The following ANKRD50 variants were observed in gnomAD, a reference collection of about 807,000 sequenced individuals.
ANKRD50 encodes the protein ankyrin repeat domain 50, also known as ankyrin repeat domain-containing protein 50.
ANKRD50 carries 40 observed loss-of-function variants against 112.0 expected under a neutral mutation model. The ratio of observed to expected loss-of-function variants is 0.36; its 90% CI spans 0.28 to 0.46. The LOEUF (loss-of-function observed/expected upper bound fraction) is 0.46, where lower values mean the gene tolerates loss of function less well. ANKRD50 is among the 20% of genes least tolerant of loss of function. The pLI is 1.00. For missense variants in ANKRD50, 1,487 were observed against 1,701.7 expected, an observed-to-expected ratio of 0.87 and a Z score of 2.22; for synonymous variants, 613 against 619.1, an observed-to-expected ratio of 0.99 and a Z score of 0.15.
At chr4:124,697,360 C>T (rs1292479803) in intron 2 of ANKRD50, among the ~76,000 whole-genome samples, 3 of 152,066 alleles carry the variant, frequency 2.0e-5, no homozygotes, top group African/African-American at 7.2e-5. Context: ...GTTGAGTGTT[C>T]CTGCCAAAAC....
intron 2 of ANKRD50, among the ~76,000 whole-genome samples, chr4:124,692,309 C>CA (rs1379987829): frequency 1.3e-5 from 2 of 152,118 alleles, no homozygotes; most frequent in Non-Finnish European, 2.9e-5. Flanking sequence ...ACTAAACACT[C>CA]AATATATAGA....
intron 2 of ANKRD50, among the ~76,000 whole-genome samples, chr4:124,692,678 C>T (rs906872645): frequency 6.6e-6 from 1 of 152,062 alleles, no homozygotes; most frequent in Non-Finnish European, 1.5e-5. Flanking sequence ...CCTTTTATAC[C>T]ATGCGATGAC....
chr4:124,684,367 C>A (rs1724957892), intron 2 of ANKRD50, among the ~76,000 whole-genome samples: 1 of 152,070 alleles, frequency 6.6e-6, no homozygotes, highest in South Asian at 2.1e-4. Flanking sequence ...TTCTCCCCAG[C>A]CAATTAAGAT....
chr4:124,708,622 A>G (rs958172452), intron 2 of ANKRD50, among the ~76,000 whole-genome samples: 2 of 152,022 alleles, frequency 1.3e-5, no homozygotes, highest in East Asian at 3.9e-4. Context: ...CAGCTTTGCC[A>G]TACATAACCT....
At chr4:124,675,752 C>T (rs150403344) in intron 3 of ANKRD50, among the ~76,000 whole-genome samples, 1 of 151,640 alleles carries the variant, frequency 6.6e-6, no homozygotes, top group Non-Finnish European at 1.5e-5. Flanking sequence ...ATTTTTTGTG[C>T]ACAAAATGTT....
chr4:124,671,210 A>C lies in ANKRD50; in HGVS notation c.2067T>G (p.His689Gln). 1.2e-6 allele frequency: 2 copies of C among 1,613,860 alleles called. No individual in the cohort carries two copies. Among genetic ancestry groups the C allele is most frequent in the South Asian group, 2.2e-5 (2 of 91,080 alleles). The change falls in exon 4 of 5, where the codon CAT becomes CAG. Residue 689 changes from histidine (H) to glutamine (Q), a missense_variant. This residue lies in a region of ANKRD50 where 1,046 missense variants were observed against 1,269.5 expected (regional missense o/e 0.82). Coordinates refer to ENST00000504087, the MANE Select transcript of ANKRD50 (RefSeq NM_020337.3). ...TALIAAAYMG[H>Q]REIVEHLLDH... ...CCAGTAGGTGTTCCACAATCTCTCT[A>C]TGTCCCATGTATGCTGCTGCTATCA...
chr4:124,695,615 G>A (rs1323056982), intron 2 of ANKRD50, among the ~76,000 whole-genome samples: 1 of 152,108 alleles, frequency 6.6e-6, no homozygotes, highest in African/African-American at 2.4e-5. Flanking sequence ...TAAAGGGATG[G>A]TGCTTACTTT....
At chr4:124,691,866 G>A (rs1725146106) in intron 2 of ANKRD50, among the ~76,000 whole-genome samples, 1 of 152,198 alleles carries the variant, frequency 6.6e-6, no homozygotes. Context: ...CTTGAAAGCA[G>A]TACACAAGTT....
intron 3 of ANKRD50, among the ~76,000 whole-genome samples, chr4:124,673,685 C>A (rs1730710985): frequency 6.6e-6 from 1 of 151,874 alleles, no homozygotes; most frequent in Non-Finnish European, 1.5e-5. Flanking sequence ...GAAAAAGAGA[C>A]CAGTGAAGGA....
At chr4:124,703,456 G>A (rs1182861107) in intron 2 of ANKRD50, among the ~76,000 whole-genome samples, 1 of 152,044 alleles carries the variant, frequency 6.6e-6, no homozygotes, top group Non-Finnish European at 1.5e-5. Context: ...TTTTTTCAGA[G>A]GAATAGAAAA....
At position 124,678,722 on chromosome 4, in the gene ANKRD50, G is replaced by C. The variant is rs1041643889; in HGVS notation, c.696C>G (p.Leu232=). The change falls in exon 3 of 5, where the codon CTC becomes CTG. Residue 232 remains leucine (L), a synonymous_variant. Transcript: ENST00000504087. ...HEFFPPWLLL[L]CSARKQSKAV... is the part of the protein sequence containing the mutation. The stretch of plus-strand genomic sequence containing the variant: ...CCTTACTCTGCTTTCGGGCAGAACA[G>C]AGAAGCAATAGCCATGGTGGAAAGA... 1 of 1,613,766 alleles carries C rather than the reference G, an allele frequency of 6.2e-7. No homozygotes were observed. The highest frequency in any genetic ancestry group is 1.3e-5 in the African/African-American group (1 of 74,910).
At chr4:124,688,816 A>T (rs187080934) in intron 2 of ANKRD50, among the ~76,000 whole-genome samples, 189 of 152,218 alleles carry the variant, frequency 1.2e-3, no homozygotes, top group African/African-American at 4.3e-3. Context: ...CTGACCAACA[A>T]TTGGCGCCTT....
At chr4:124,679,261 T>C (rs1304182367) in intron 2 of ANKRD50, among the ~76,000 whole-genome samples, 1 of 152,146 alleles carries the variant, frequency 6.6e-6, no homozygotes, top group Non-Finnish European at 1.5e-5. Context: ...AAAGCTAAAA[T>C]GTGTTGCAGA....
chr4:124,710,438 C>T lies in ANKRD50; in HGVS notation c.74G>A (p.Cys25Tyr). 1.2e-6 allele frequency: 2 copies of T among 1,614,194 alleles called. No individual in the cohort carries two copies. Among genetic ancestry groups the T allele is most frequent in the Non-Finnish European group, 1.7e-6 (2 of 1,180,038 alleles). Residue 25 changes from cysteine (C) to tyrosine (Y), a missense_variant, in exon 2 of 5, where the codon TGT becomes TAT. By Grantham distance (194) the Cys-to-Tyr change is radical. Coordinates refer to ENST00000504087, the MANE Select transcript of ANKRD50 (RefSeq NM_020337.3). ...TSLLQGKQFY[C>Y]REWVFHKLQH... ...AAGCTTGTGGAAAACCCACTCCCTA[C>T]AGTAAAACTGCTTCCCTTGCAGTAA...
chr4:124,676,823 T>A (rs565026757), intron 3 of ANKRD50, among the ~76,000 whole-genome samples: 1 of 151,628 alleles, frequency 6.6e-6, no homozygotes, highest in East Asian at 1.9e-4. Context: ...TGAAAATCAG[T>A]AAGAAAATAA....
intron 2 of ANKRD50, among the ~76,000 whole-genome samples, chr4:124,687,423 A>C (rs1725032676): frequency 6.6e-6 from 1 of 152,188 alleles, no homozygotes; most frequent in Non-Finnish European, 1.5e-5. Flanking sequence ...AAAACATAAA[A>C]CTATAAAACT....
chr4:124,703,993 A>G (rs1036129702), intron 2 of ANKRD50, among the ~76,000 whole-genome samples: 3 of 152,198 alleles, frequency 2.0e-5, no homozygotes, highest in Admixed American at 6.5e-5. Flanking sequence ...AAAGGAACAG[A>G]CAAGCTAGGG....
chr4:124,688,351 A>G (rs79621301), intron 2 of ANKRD50, among the ~76,000 whole-genome samples: 17,930 of 152,124 alleles, frequency 0.12, 1,179 homozygotes, highest in Middle Eastern at 0.19. Context: ...AGTGGTTGCC[A>G]TAGGTTGGAG....
At chr4:124,678,963 T>G (rs1560822379) in intron 2 of ANKRD50, 58 bp from the exon 3 acceptor site, 10 of 1,256,946 alleles carry the variant, frequency 8.0e-6, no homozygotes, top group Non-Finnish European at 9.0e-6. Context: ...TGTTAAGATT[T>G]ATTATTCAAA....
Sources: gnomAD v4.1 joint callset for allele counts (sites outside exome capture counted in the v4.1 genomes callset) on GRCh38, gnomAD v4.1.1 for gene constraint, gnomAD v4.1.1 regional missense constraint, MANE v1.5 for transcripts, NCBI Gene and HGNC (gene_info 2026-07-23, HGNC 2026-07-21) for gene names.